IGF2BP1: variants seen among roughly 807,000 people sequenced by gnomAD.
The protein encoded by IGF2BP1 is insulin-like growth factor 2 mRNA-binding protein 1.
A neutral mutation model predicts 74.9 loss-of-function variants in IGF2BP1; 11 were observed. The ratio of observed to expected loss-of-function variants is 0.15; its 90% CI spans 0.09 to 0.24. The LOEUF is 0.24. Ranked by LOEUF, IGF2BP1 falls within the 10% of genes least tolerant of loss-of-function variation. The pLI, the probability that IGF2BP1 is intolerant of heterozygous loss-of-function variation, is 1.00. For synonymous variants in IGF2BP1, 287 were observed against 281.8 expected, an observed-to-expected ratio of 1.02 and a Z score of -0.18; for missense variants, 440 against 757.4, an observed-to-expected ratio of 0.58 and a Z score of 4.92.
At chr17:49,008,766 A>T (rs2041581366) in intron 2 of IGF2BP1, among the ~76,000 whole-genome samples, 1 of 152,116 alleles carries the variant, frequency 6.6e-6, no homozygotes, top group African/African-American at 2.4e-5. Context: ...TAACTTAAAA[A>T]ATATATATTT....
intron 2 of IGF2BP1, among the ~76,000 whole-genome samples, chr17:49,019,956 A>ATT: frequency 3.2e-5 from 1 of 31,138 alleles, no homozygotes. Context: ...ATATTTATAT[A>ATT]CACACACACA....
chr17:49,006,483 T>C (rs2041552550), intron 2 of IGF2BP1, among the ~76,000 whole-genome samples: 2 of 152,208 alleles, frequency 1.3e-5, no homozygotes, highest in South Asian at 4.1e-4. Flanking sequence ...ATAGCTCTTA[T>C]TGTTATTATT....
intron 2 of IGF2BP1, among the ~76,000 whole-genome samples, chr17:49,008,188 A>AG (rs1555595441): frequency 7.3e-5 from 11 of 151,460 alleles, no homozygotes; most frequent in African/African-American, 2.7e-4. Flanking sequence ...AAAAAAAAAA[A>AG]GTAAATAAAT....
intron 2 of IGF2BP1, among the ~76,000 whole-genome samples, chr17:49,003,556 G>A (rs1302781372): frequency 6.6e-6 from 1 of 152,082 alleles, no homozygotes; most frequent in Non-Finnish European, 1.5e-5. Flanking sequence ...ATGAACCAAA[G>A]GCATTTGAAG....
At chr17:49,000,570 T>C (rs2041477305) in intron 2 of IGF2BP1, among the ~76,000 whole-genome samples, 1 of 152,284 alleles carries the variant, frequency 6.6e-6, no homozygotes, top group Non-Finnish European at 1.5e-5. Flanking sequence ...TGGAGATGTG[T>C]CTAAGGAACA....
chr17:49,042,779 G>A (rs1339012637), intron 9 of IGF2BP1, among the ~76,000 whole-genome samples: 1 of 152,012 alleles, frequency 6.6e-6, no homozygotes, highest in African/African-American at 2.4e-5. Context: ...TGGGCTCAAG[G>A]AATACTCCTG....
At chr17:49,021,199 T>G (rs571160391) in intron 2 of IGF2BP1, among the ~76,000 whole-genome samples, 68 of 152,080 alleles carry the variant, frequency 4.5e-4, no homozygotes, top group African/African-American at 1.6e-3. Flanking sequence ...TCTTTTCTCT[T>G]TGGTGTAAGT....
At chr17:49,000,145 T>C (rs2041469941) in intron 2 of IGF2BP1, among the ~76,000 whole-genome samples, 1 of 152,110 alleles carries the variant, frequency 6.6e-6, no homozygotes, top group Admixed American at 6.5e-5. Context: ...ACTTTAAACA[T>C]GTTGACAGTG....
At chr17:49,016,893 C>T (rs2041711702) in intron 2 of IGF2BP1, among the ~76,000 whole-genome samples, 1 of 149,426 alleles carries the variant, frequency 6.7e-6, no homozygotes, top group South Asian at 2.2e-4. Context: ...GGGCTTTCGG[C>T]CAGCTCCTCC....
chr17:49,010,806 C>A (rs2041608001), intron 2 of IGF2BP1, among the ~76,000 whole-genome samples: 1 of 151,862 alleles, frequency 6.6e-6, no homozygotes, highest in Non-Finnish European at 1.5e-5. Flanking sequence ...AGTACAGAGT[C>A]CAGGAGTCCA....
intron 4 of IGF2BP1, among the ~76,000 whole-genome samples, chr17:49,029,812 T>A (rs796227560): frequency 6.9e-4 from 104 of 150,410 alleles, no homozygotes; most frequent in Admixed American, 1.8e-3. Flanking sequence ...TTTTTTTTTT[T>A]AATTTTTTGT....
In IGF2BP1 at chr17:49,031,914, C is replaced by G. The variant is rs1233137027; in HGVS notation, c.342C>G (p.Asn114Lys). The G allele has an allele frequency of 1.9e-6, 3 of 1,613,582 alleles. No homozygotes were observed. The highest frequency in any genetic ancestry group is 8.5e-7 in the Non-Finnish European group (1 of 1,179,828). Residue 114 changes from asparagine (N) to lysine (K), a missense_variant, in exon 5 of 15, where the codon AAC becomes AAG. Asn to Lys is a moderately conservative substitution (Grantham distance 94). Transcript: ENST00000290341. Reference sequence around the variant, plus strand: ...TATCCTCTCTTTTCTCTGCAGTGAACACCGAGAGTGAGACGGCAGTGGTGA... The same window carrying G: ...TATCCTCTCTTTTCTCTGCAGTGAAGACCGAGAGTGAGACGGCAGTGGTGA... Reference protein sequence around the residue: ...YGTVENCEQVNTESETAVVNV... With the variant: ...YGTVENCEQVKTESETAVVNV...
intron 4 of IGF2BP1, among the ~76,000 whole-genome samples, chr17:49,027,858 A>G (rs1354894415): frequency 1.4e-5 from 2 of 138,312 alleles, no homozygotes; most frequent in Non-Finnish European, 1.6e-5. Flanking sequence ...TCTCAGAAAA[A>G]AAAAAAAAAA....
At position 49,055,521 on chromosome 17, in the gene IGF2BP1, G is replaced by A; in HGVS notation, c.*6077G>A. Reference sequence around the variant, plus strand: ...TCTTGACTGGCACTTCCCGGCTGTGGGGGCTGGGGAGCCACTTGTAACATT... The same window carrying A: ...TCTTGACTGGCACTTCCCGGCTGTGAGGGCTGGGGAGCCACTTGTAACATT... On this transcript the variant is annotated 3_prime_UTR_variant, in exon 15 of 15. Coordinates refer to ENST00000290341, the MANE Select transcript of IGF2BP1 (RefSeq NM_006546.4). 1 of 396,552 alleles carries A rather than the reference G, an allele frequency of 2.5e-6. No individual in the cohort carries two copies. 24.6% of individuals were successfully genotyped at this position (396,552 alleles called of 1,614,324 possible). A position where few individuals can be genotyped will look rare whatever the true frequency, so the allele number is the denominator to read the frequency against.
chr17:49,025,676 T>TG lies in IGF2BP1; in HGVS notation c.285+15dup, dbSNP rs781277098. On this transcript the variant is annotated intron_variant, in intron 3 of 14. Coordinates refer to ENST00000290341, the MANE Select transcript of IGF2BP1 (RefSeq NM_006546.4). The stretch of plus-strand genomic sequence containing the variant: ...CCAGCTCCGATGGGAAGTAAGTGTT[T>TG]GGGGGAAACTCTAAATGGAGTGGGA... 68 of 1,610,264 alleles carry TG rather than the reference T, an allele frequency of 4.2e-5. No homozygotes were observed. The highest frequency in any genetic ancestry group is 1.0e-4 in the Admixed American group (6 of 59,864).
In IGF2BP1 at chr17:49,009,021, AT is replaced by A. The variant is rs1279842651; in HGVS notation, c.236+9861del. On this transcript the variant is annotated intron_variant, in intron 2 of 14. Transcript: ENST00000290341. ...TACAGTGCAGATGGAAGGAAATACA[AT>A]TTTTTTTTGTTTCTGTTTTTTTTGA... 5.3e-5 allele frequency among the ~76,000 whole-genome samples: 8 copies of A among 151,240 alleles called. No homozygotes were observed. In the East Asian group the frequency reaches 1.4e-3, roughly 26 times the overall value.
At chr17:49,043,258 T>C (rs1293813528) in intron 9 of IGF2BP1, among the ~76,000 whole-genome samples, 170 bp from the exon 10 acceptor site, 2 of 152,164 alleles carry the variant, frequency 1.3e-5, no homozygotes, top group Non-Finnish European at 2.9e-5. Flanking sequence ...ACACCCGAAG[T>C]GTGTAGGTGA....
intron 14 of IGF2BP1, among the ~76,000 whole-genome samples, chr17:49,048,567 A>G (rs1224229342): frequency 6.6e-6 from 1 of 152,014 alleles, no homozygotes. Context: ...ATCTAGACAT[A>G]TTATTCCTTT....
intron 2 of IGF2BP1, among the ~76,000 whole-genome samples, chr17:49,018,215 CA>C (rs1490697293): frequency 3.9e-5 from 6 of 152,236 alleles, no homozygotes; most frequent in African/African-American, 1.4e-4. Context: ...ACAACAATAA[CA>C]ACAAAAAAGA....
Sources: gnomAD v4.1 joint callset for allele counts (sites outside exome capture counted in the v4.1 genomes callset) on GRCh38, gnomAD v4.1.1 for gene constraint, MANE v1.5 for transcripts, NCBI Gene and HGNC (gene_info 2026-07-23, HGNC 2026-07-21) for gene names.